Variants in BOLL observed in about 807,000 individuals in gnomAD.
BOLL encodes the protein protein boule-like.
In BOLL, 23 loss-of-function variants were observed where a neutral mutation model predicts 44.4. That is an observed-to-expected ratio of 0.52 (90% CI 0.37 to 0.73). The LOEUF is 0.73. Ranked by LOEUF, BOLL falls within the 30% of genes least tolerant of loss-of-function variation. The pLI, the probability that BOLL is intolerant of heterozygous loss-of-function variation, is 0.00. For synonymous variants in BOLL, 97 were observed against 110.8 expected, an observed-to-expected ratio of 0.88 and a Z score of 0.78; for missense variants, 287 against 338.3, an observed-to-expected ratio of 0.85 and a Z score of 1.19.
At chr2:197,768,614 A>G (rs1026078254) in intron 6 of BOLL, among the ~76,000 whole-genome samples, 1 of 151,758 alleles carries the variant, frequency 6.6e-6, no homozygotes, top group Non-Finnish European at 1.5e-5. Context: ...ATTAGTCGAT[A>G]CATAAATTCA....
chr2:197,767,304 A>G (rs1018955110), intron 6 of BOLL, among the ~76,000 whole-genome samples: 2 of 152,026 alleles, frequency 1.3e-5, no homozygotes, highest in Non-Finnish European at 2.9e-5. Context: ...ATTAAAATTC[A>G]GTGTCTAATG....
intron 10 of BOLL, among the ~76,000 whole-genome samples, chr2:197,741,619 C>T (rs1382271861): frequency 6.6e-6 from 1 of 152,032 alleles, no homozygotes; most frequent in African/African-American, 2.4e-5. Flanking sequence ...ATGTAGAAAG[C>T]TGAAACTGGA....
intron 9 of BOLL, among the ~76,000 whole-genome samples, chr2:197,753,365 G>A (rs879890593): frequency 6.6e-6 from 1 of 151,954 alleles, no homozygotes; most frequent in Non-Finnish European, 1.5e-5. Context: ...ATACAGAATG[G>A]GAGAAAATTT....
rs564592813 is a variant in BOLL, at chr2:197,738,583, T to G, written c.828+4478A>C. Among the ~76,000 whole-genome samples, 611 of 152,360 alleles carry G rather than the reference T, an allele frequency of 4.0e-3. 3 individuals are homozygous for G. Among genetic ancestry groups the G allele is most frequent in the African/African-American group, 0.014 (588 of 41,584 alleles). On this transcript the variant is annotated intron_variant, in intron 10 of 10. Transcript: ENST00000392296. ...ACTTCACAGCAGTTAGACTTGTGCT[T>G]CAAACTCTGCATAAGGTTTCTATTT...
At chr2:197,739,696 C>T (rs1170571804) in intron 10 of BOLL, among the ~76,000 whole-genome samples, 2 of 152,054 alleles carry the variant, frequency 1.3e-5, no homozygotes, top group African/African-American at 4.8e-5. Context: ...TCTGATGTTA[C>T]CTACTCACAG....
intron 7 of BOLL, among the ~76,000 whole-genome samples, chr2:197,762,933 A>G (rs2106361122): frequency 6.6e-6 from 1 of 152,326 alleles, no homozygotes; most frequent in African/African-American, 2.4e-5. Context: ...AGATTAACAA[A>G]ACAAAAGGTT....
intron 9 of BOLL, among the ~76,000 whole-genome samples, chr2:197,752,204 G>A (rs1450101538): frequency 1.3e-5 from 2 of 152,134 alleles, no homozygotes; most frequent in Non-Finnish European, 1.5e-5. Flanking sequence ...ATACTGAATG[G>A]GCAAAAGCTG....
chr2:197,764,612 A>G (rs1482750715), intron 7 of BOLL, among the ~76,000 whole-genome samples: 2 of 152,176 alleles, frequency 1.3e-5, no homozygotes, highest in African/African-American at 4.8e-5. Context: ...CATGTTCAGA[A>G]GAGAGTAGCT....
chr2:197,737,776 GTAGA>G (rs1687560575), intron 10 of BOLL, among the ~76,000 whole-genome samples: 2 of 152,104 alleles, frequency 1.3e-5, no homozygotes, highest in Admixed American at 1.3e-4. Flanking sequence ...TGAACTAGAA[GTAGA>G]TAGTGGTAGT....
Position 197,785,106 on chromosome 2 carries a change from C to T in BOLL, c.-66G>A, listed in dbSNP as rs543849091. Reference sequence around the variant, plus strand: ...CTCCCCCTCCAAGGCCAGCAAGTTGCGGCACTGGGGGAAATGGCCGCGGCG... The same window carrying T: ...CTCCCCCTCCAAGGCCAGCAAGTTGTGGCACTGGGGGAAATGGCCGCGGCG... On this transcript the variant is annotated 5_prime_UTR_variant, in exon 1 of 11. Transcript: ENST00000392296. The surrounding 1 kb of genome is among the most constrained non-coding windows in gnomAD (Gnocchi z 6.7). 3.1e-5 allele frequency: 31 copies of T among 985,978 alleles called. 1 individual carries two copies. The South Asian group carries it at 7.5e-4, about 24-fold the overall frequency. The allele number at this position is 985,978 out of a possible 1,614,324, so 61.1% of individuals were successfully genotyped here. A position where few individuals can be genotyped will look rare whatever the true frequency, so the allele number is the denominator to read the frequency against.
chr2:197,749,347 ACTC>A (rs1252984283), intron 9 of BOLL, among the ~76,000 whole-genome samples: 1 of 151,802 alleles, frequency 6.6e-6, no homozygotes, highest in East Asian at 1.9e-4. Context: ...AAGGATCACA[ACTC>A]CTCGCCAGCA....
chr2:197,783,147 A>G (rs1179672351), intron 1 of BOLL, among the ~76,000 whole-genome samples: 2 of 152,102 alleles, frequency 1.3e-5, no homozygotes, highest in African/African-American at 4.8e-5. Flanking sequence ...AATATCCTAA[A>G]TGTGTGCTTC....
intron 2 of BOLL, among the ~76,000 whole-genome samples, chr2:197,780,011 T>A (rs1249374625): frequency 6.6e-6 from 1 of 152,040 alleles, no homozygotes; most frequent in Non-Finnish European, 1.5e-5. Flanking sequence ...CTAAGCTGCA[T>A]AATGACAAAT....
intron 3 of BOLL, among the ~76,000 whole-genome samples, chr2:197,778,563 C>T (rs1030186052): frequency 3.3e-5 from 5 of 151,668 alleles, no homozygotes; most frequent in African/African-American, 1.2e-4. Flanking sequence ...CTAATTAGGT[C>T]TCTGAGGCAC....
At chr2:197,745,110 A>G (rs1687933339) in intron 9 of BOLL, among the ~76,000 whole-genome samples, 1 of 152,210 alleles carries the variant, frequency 6.6e-6, no homozygotes, top group Non-Finnish European at 1.5e-5. Context: ...TACTCTGCAA[A>G]AGAGAAGGCA....
chr2:197,734,106 A>G (rs1209764868), intron 10 of BOLL, among the ~76,000 whole-genome samples: 1 of 151,482 alleles, frequency 6.6e-6, no homozygotes, highest in Non-Finnish European at 1.5e-5. Flanking sequence ...GAACTCAAAC[A>G]AATTTACAAG....
In BOLL at chr2:197,771,935, T is replaced by C. The variant is rs1271659816; in HGVS notation, c.400A>G (p.Thr134Ala). The C allele has an allele frequency of 6.3e-7, 1 of 1,596,108 alleles. No homozygotes were observed. ...AAGTMYLTTS[T>A]GYPYTYHNGV... is the part of the protein sequence containing the mutation. ...TTATGGTAAGTATAAGGATATCCAG[T>C]TGAAGTTGTTAGATACATTGTTCCA... The change falls in exon 6 of 11, where the codon ACT (threonine) becomes GCT (alanine). Residue 134 changes from threonine to alanine, a missense_variant. Transcript: ENST00000392296.
In BOLL at chr2:197,741,483, A is replaced by G. The variant is rs1419256218; in HGVS notation, c.828+1578T>C. On this transcript the variant is annotated intron_variant, in intron 10 of 10. Coordinates refer to ENST00000392296, the MANE Select transcript of BOLL (RefSeq NM_033030.6). ...ACAGAGATAGAGACCAATGGAACAG[A>G]ACAGAGCCCTCAGAAATAATGCCGC... is the stretch of plus-strand genomic sequence containing the variant. Among the ~76,000 whole-genome samples the G allele has an allele frequency of 3.3e-5, 5 of 152,148 alleles. No homozygotes were observed. In the South Asian group the frequency reaches 8.3e-4, roughly 25 times the overall value.
chr2:197,730,228 A>G (rs1352612337), intron 10 of BOLL, among the ~76,000 whole-genome samples: 1 of 134,584 alleles, frequency 7.4e-6, no homozygotes, highest in Non-Finnish European at 1.6e-5. Flanking sequence ...GGAAGATGAA[A>G]TGAATGAAAT....
Sources: allele counts gnomAD v4.1 joint callset (sites outside exome capture counted in the v4.1 genomes callset), GRCh38; gene constraint gnomAD v4.1.1; non-coding constraint Gnocchi (gnomAD v3.1); transcripts MANE v1.5; gene names NCBI Gene and HGNC (gene_info 2026-07-23, HGNC 2026-07-21).